Variants in LUZP2 observed in about 807,000 individuals in gnomAD.
LUZP2 encodes leucine zipper protein 2.
LUZP2 carries 52 observed loss-of-function variants against 51.6 expected under a neutral mutation model. The ratio of observed to expected loss-of-function variants is 1.01; its 90% CI spans 0.81 to 1.27. The LOEUF is 1.27. Among genes scored for constraint, LUZP2 ranks in the 50% most tolerant of loss-of-function variants. The pLI, the probability that LUZP2 is intolerant of heterozygous loss-of-function variation, is 0.00. For missense variants in LUZP2, 436 were observed against 395.4 expected, an observed-to-expected ratio of 1.10 and a Z score of -0.87; for synonymous variants, 154 against 137.3, an observed-to-expected ratio of 1.12 and a Z score of -0.85.
At chr11:24,764,441 A>T (rs10834479) in intron 5 of LUZP2, among the ~76,000 whole-genome samples, 30,671 of 143,562 alleles carry the variant, frequency 0.21, 3,499 homozygotes, top group East Asian at 0.42. Flanking sequence ...GGATCGCTTG[A>T]GCCCAGGAGT....
At chr11:24,582,441 G>A (rs571869990) in intron 1 of LUZP2, among the ~76,000 whole-genome samples, 14 of 151,230 alleles carry the variant, frequency 9.3e-5, no homozygotes, top group Admixed American at 3.3e-4. Flanking sequence ...GATGTATGTC[G>A]CACATTTTAC....
At chr11:24,957,550 GC>G (rs1855245497) in intron 7 of LUZP2, among the ~76,000 whole-genome samples, 1 of 152,048 alleles carries the variant, frequency 6.6e-6, no homozygotes, top group African/African-American at 2.4e-5. Context: ...CCAACTCTCT[GC>G]TTTGAGTTTG....
chr11:24,713,355 C>G (rs1280347854), intron 1 of LUZP2, among the ~76,000 whole-genome samples: 1 of 152,112 alleles, frequency 6.6e-6, no homozygotes, highest in Admixed American at 6.6e-5. Flanking sequence ...CGAAGTCACT[C>G]TTATTCAGTC....
intron 10 of LUZP2, among the ~76,000 whole-genome samples, chr11:25,051,938 C>A (rs1858529813): frequency 6.6e-6 from 1 of 152,080 alleles, no homozygotes. Flanking sequence ...TTGTTTCTCT[C>A]TTCTACTTGT....
chr11:24,735,196 A>T (rs970931), intron 3 of LUZP2, among the ~76,000 whole-genome samples: 73 of 151,748 alleles, frequency 4.8e-4, no homozygotes, highest in African/African-American at 1.5e-3. Context: ...GTGTGTTTGC[A>T]TGTATGCACT....
chr11:24,581,263 C>T (rs1206325714), intron 1 of LUZP2, among the ~76,000 whole-genome samples: 1 of 149,346 alleles, frequency 6.7e-6, no homozygotes, highest in African/African-American at 2.5e-5. Context: ...AAAGAACAAA[C>T]AAACAACAAC....
intron 5 of LUZP2, among the ~76,000 whole-genome samples, chr11:24,832,723 C>T (rs973893170): frequency 1.3e-5 from 2 of 151,630 alleles, no homozygotes; most frequent in African/African-American, 4.8e-5. Context: ...TTAAAAATGC[C>T]TTACTGTAAG....
intron 1 of LUZP2, among the ~76,000 whole-genome samples, chr11:24,725,372 T>G (rs1858435886): frequency 6.6e-6 from 1 of 152,106 alleles, no homozygotes; most frequent in Admixed American, 6.6e-5. Context: ...CAACTGGCTA[T>G]CCATATTTAA....
intron 1 of LUZP2, among the ~76,000 whole-genome samples, chr11:24,680,859 G>A (rs981137172): frequency 1.3e-5 from 2 of 152,010 alleles, no homozygotes; most frequent in Non-Finnish European, 2.9e-5. Context: ...AAGTCCATAC[G>A]TTTTCCACTT....
chr11:24,608,331 C>A (rs1216733156), intron 1 of LUZP2, among the ~76,000 whole-genome samples: 1 of 152,140 alleles, frequency 6.6e-6, no homozygotes. Flanking sequence ...TCATCAGACA[C>A]TATACAATTA....
intron 1 of LUZP2, among the ~76,000 whole-genome samples, chr11:24,537,708 A>AC: frequency 6.6e-6 from 1 of 152,054 alleles, no homozygotes; most frequent in African/African-American, 2.4e-5. Context: ...TAGTCTGTGA[A>AC]ACTAAAGTGA....
At chr11:24,757,911 T>C (rs1416528555) in intron 4 of LUZP2, among the ~76,000 whole-genome samples, 1 of 152,112 alleles carries the variant, frequency 6.6e-6, no homozygotes, top group African/African-American at 2.4e-5. Flanking sequence ...GCATTTGGAA[T>C]TTCATTGTAC....
intron 5 of LUZP2, chr11:24,892,655 T>A (rs374774362): frequency 2.4e-5 from 4 of 164,730 alleles, no homozygotes; most frequent in South Asian, 4.0e-4. Context: ...AAACAAGTAA[T>A]GTGTATATTT....
At chr11:24,576,895 G>A (rs1223131741) in intron 1 of LUZP2, among the ~76,000 whole-genome samples, 1 of 151,766 alleles carries the variant, frequency 6.6e-6, no homozygotes, top group Non-Finnish European at 1.5e-5. Context: ...AACTTCCATG[G>A]CTACTTATAA....
intron 1 of LUZP2, among the ~76,000 whole-genome samples, chr11:24,647,764 T>A (rs867400055): frequency 2.2e-4 from 34 of 152,116 alleles, no homozygotes; most frequent in Middle Eastern, 3.4e-3. Flanking sequence ...CTCGATTTTT[T>A]AAAATTTTTA....
chr11:24,545,090 A>C (rs1851497273), intron 1 of LUZP2, among the ~76,000 whole-genome samples: 2 of 151,862 alleles, frequency 1.3e-5, no homozygotes, highest in Non-Finnish European at 2.9e-5. Context: ...TCTTCTTTTG[A>C]AAAATGTCTG....
intron 7 of LUZP2, among the ~76,000 whole-genome samples, chr11:24,975,444 T>G (rs1179763657): frequency 6.6e-6 from 1 of 152,082 alleles, no homozygotes; most frequent in Non-Finnish European, 1.5e-5. Flanking sequence ...TTGTTGCTGT[T>G]GTTGTTGTGG....
chr11:24,908,645 T>G (rs1853532948), intron 6 of LUZP2, among the ~76,000 whole-genome samples: 1 of 152,146 alleles, frequency 6.6e-6, no homozygotes, highest in South Asian at 2.1e-4. Context: ...GGGTTTTGAA[T>G]TAATATATAT....
chr11:24,611,434 T>G lies in LUZP2; in HGVS notation c.62+114129T>G, dbSNP rs1348082429. ...ATATAAGATATATTTTGCACACTAATAAAAGCATAAATATTCATGTTGCAA... is the reference window on the plus strand; with the variant it reads ...ATATAAGATATATTTTGCACACTAAGAAAAGCATAAATATTCATGTTGCAA... On this transcript the variant is annotated intron_variant, in intron 1 of 11. Coordinates refer to ENST00000336930, the MANE Select transcript of LUZP2 (RefSeq NM_001009909.4). The surrounding 1 kb of genome is among the most constrained non-coding windows in gnomAD (Gnocchi z 4.6). 6.6e-6 allele frequency among the ~76,000 whole-genome samples: 1 copy of G among 152,174 alleles called. No individual in the cohort carries two copies. The highest frequency in any genetic ancestry group is 1.5e-5 in the Non-Finnish European group (1 of 68,034).
Sources: gnomAD v4.1 joint callset for allele counts (sites outside exome capture counted in the v4.1 genomes callset) on GRCh38, gnomAD v4.1.1 for gene constraint, Gnocchi (gnomAD v3.1) non-coding constraint, MANE v1.5 for transcripts, NCBI Gene and HGNC (gene_info 2026-07-23, HGNC 2026-07-21) for gene names.